Variants in FANCA observed in about 807,000 individuals in gnomAD.
The protein encoded by FANCA is Fanconi anemia group A protein.
FANCA carries 236 observed loss-of-function variants against 194.3 expected under a neutral mutation model. That is an observed-to-expected ratio of 1.21 (90% CI 1.09 to 1.35). The LOEUF (loss-of-function observed/expected upper bound fraction) is 1.35, where lower values mean the gene tolerates loss of function less well. Ranked by LOEUF, FANCA falls within the 40% of genes most tolerant of loss-of-function variation. The pLI is 0.00. For missense variants in FANCA, 2,628 were observed against 1,813.9 expected (o/e 1.45, Z -8.15); for synonymous variants, 1,014 against 715.8 (o/e 1.42, Z -6.65).
intron 31 of FANCA, among the ~76,000 whole-genome samples, chr16:89,751,474 T>A (rs557115328): frequency 1.3e-5 from 2 of 150,354 alleles, no homozygotes; most frequent in African/African-American, 4.8e-5. Context: ...CCTGTCCCAA[T>A]AATAATAATA....
At chr16:89,809,152 TGCCTCG>T (rs2040780762) in intron 5 of FANCA, among the ~76,000 whole-genome samples, 2 of 151,848 alleles carry the variant, frequency 1.3e-5, no homozygotes, top group Admixed American at 6.6e-5. Flanking sequence ...ATGATCCACC[TGCCTCG>T]GCCTCCCAAA....
intron 37 of FANCA, 54 bp downstream of exon 37, chr16:89,742,746 G>C (rs762360084): frequency 6.3e-7 from 1 of 1,586,090 alleles, no homozygotes; most frequent in Non-Finnish European, 8.6e-7. Context: ...AAATAGCACT[G>C]ATTGAAACCA....
intron 37 of FANCA, among the ~76,000 whole-genome samples, chr16:89,742,429 G>A (rs1375226571): frequency 6.6e-6 from 1 of 151,984 alleles, no homozygotes; most frequent in Non-Finnish European, 1.5e-5. Context: ...TCCAGCCTGG[G>A]CGACAGTGAG....
rs1399326379 is a variant in FANCA, at chr16:89,803,044, G to T, written c.792+215C>A. ...TCAAAGTAACTGCAACATGTGAAAT[G>T]TTGCCAACACACAGAAATGATACAT... On this transcript the variant is annotated intron_variant, in intron 8 of 42. Transcript: ENST00000389301. Among the ~76,000 whole-genome samples the T allele has an allele frequency of 3.3e-5, 5 of 152,174 alleles. No individual in the cohort carries two copies. The East Asian group carries it at 9.6e-4, about 29-fold the overall frequency.
At chr16:89,759,390 A>C (rs1240598510) in intron 29 of FANCA, among the ~76,000 whole-genome samples, 1 of 148,374 alleles carries the variant, frequency 6.7e-6, no homozygotes, top group Non-Finnish European at 1.5e-5. Flanking sequence ...AGCTACTCAC[A>C]GGCCCACCAG....
chr16:89,798,947 G>A (rs980259857), intron 10 of FANCA: 23 of 1,610,084 alleles, frequency 1.4e-5, no homozygotes, highest in African/African-American at 9.4e-5. Context: ...TGCAGTGGGC[G>A]CACCTTCCGA....
rs8044026 is a variant in FANCA at position 89,749,391 on chromosome 16, T to C, written c.3239+339A>G. Among the ~76,000 whole-genome samples, 64,378 of 151,854 alleles carry C rather than the reference T, an allele frequency of 0.42. 15,170 individuals are homozygous for C. Among genetic ancestry groups the C allele is most frequent in the East Asian group, 0.76 (3,898 of 5,150 alleles). On this transcript the variant is annotated intron_variant, in intron 32 of 42. Transcript: ENST00000389301. ...CCACACCTAGCTAAATTTTTTTGTA[T>C]TTTTTTTGTATTTTTAGTAGACATG...
At chr16:89,788,427 C>T (rs941322684) in intron 14 of FANCA, among the ~76,000 whole-genome samples, 2 of 151,290 alleles carry the variant, frequency 1.3e-5, no homozygotes, top group African/African-American at 4.9e-5. Context: ...CAGACGGGGA[C>T]TCCATCTCAA....
At chr16:89,775,993 A>G (rs1340696118) in intron 20 of FANCA, among the ~76,000 whole-genome samples, 178 bp from the exon 21 acceptor site, 1 of 151,710 alleles carries the variant, frequency 6.6e-6, no homozygotes, top group Non-Finnish European at 1.5e-5. Context: ...AGATTTAAAA[A>G]GCACTGTTTC....
intron 3 of FANCA, among the ~76,000 whole-genome samples, chr16:89,813,654 G>A (rs1335358563): frequency 6.6e-6 from 1 of 152,018 alleles, no homozygotes; most frequent in African/African-American, 2.4e-5. Context: ...GGCTCGTCTC[G>A]AATCCTGACC....
chr16:89,751,471 CAAT>C lies in FANCA; in HGVS notation c.3066+664_3066+666del, dbSNP rs201789921. On this transcript the variant is annotated intron_variant, in intron 31 of 42. Transcript: ENST00000389301. ...TGGGTGACAGAGCAAGACCCTGTCC[CAAT>C]AATAATAATAATTATGATTACAATT... Among the ~76,000 whole-genome samples the C allele has an allele frequency of 5.4e-3, 822 of 152,114 alleles. 6 individuals carry two copies. Among genetic ancestry groups the C allele is most frequent in the Middle Eastern group, 6.8e-3 (2 of 294 alleles).
At chr16:89,774,750 A>AAAAAAAAAAAAAAAAAAC in intron 21 of FANCA, among the ~76,000 whole-genome samples, 2 of 147,002 alleles carry the variant, frequency 1.4e-5, no homozygotes, top group Non-Finnish European at 3.0e-5. Context: ...AAAAAAAAAA[A>AAAAAAAAAAAAAAAAAAC]AAAATCTCAA....
Position 89,738,642 on chromosome 16 carries a change from C to G in FANCA, c.4327G>C (p.Ala1443Pro). ...SAALQSRQQA[A>P]PDADLSQEPH... Reference sequence around the variant, plus strand: ...TCCTGGGACAGGTCAGCGTCAGGGGCAGCCTGCTGTCTGCTCTGGAGGGCG... The same window carrying G: ...TCCTGGGACAGGTCAGCGTCAGGGGGAGCCTGCTGTCTGCTCTGGAGGGCG... The change falls in exon 43 of 43, where the codon GCC becomes CCC. Residue 1443 changes from alanine (A) to proline (P), a missense_variant. Ala to Pro is a conservative substitution (Grantham distance 27). Coordinates refer to ENST00000389301, the MANE Select transcript of FANCA (RefSeq NM_000135.4). The G allele has an allele frequency of 6.2e-7, 1 of 1,613,574 alleles. No homozygotes were observed. Among genetic ancestry groups the G allele is most frequent in the African/African-American group, 1.3e-5 (1 of 75,040 alleles).
At chr16:89,774,192 A>C (rs1236590123) in intron 21 of FANCA, among the ~76,000 whole-genome samples, 1 of 152,170 alleles carries the variant, frequency 6.6e-6, no homozygotes, top group East Asian at 1.9e-4. Context: ...GCCACAGCCA[A>C]AATGAAACCA....
chr16:89,739,393 T>A, intron 40 of FANCA, 85 bp downstream of exon 40: 1 of 1,573,668 alleles, frequency 6.4e-7, no homozygotes, highest in Non-Finnish European at 8.7e-7. Flanking sequence ...CAGACAACCC[T>A]TCCCATCTGG....
chr16:89,778,542 C>T (rs371307007), intron 20 of FANCA: 58 of 440,562 alleles, frequency 1.3e-4, no homozygotes, highest in African/African-American at 1.1e-3. Context: ...GCAAGAGAAT[C>T]GCTTGAACCT....
At chr16:89,748,106 T>C (rs2038453496) in intron 33 of FANCA, among the ~76,000 whole-genome samples, 1 of 152,078 alleles carries the variant, frequency 6.6e-6, no homozygotes, top group African/African-American at 2.4e-5. Flanking sequence ...GAAACAGGGT[T>C]TTGTCATGTT....
At chr16:89,786,199 T>C (rs974713849) in intron 14 of FANCA, among the ~76,000 whole-genome samples, 5 of 151,092 alleles carry the variant, frequency 3.3e-5, no homozygotes, top group Non-Finnish European at 7.4e-5. Context: ...TTTCCTTTTT[T>C]CTGAGACAAA....
intron 5 of FANCA, among the ~76,000 whole-genome samples, chr16:89,809,031 G>C (rs577190761): frequency 6.6e-6 from 1 of 151,612 alleles, no homozygotes; most frequent in African/African-American, 2.4e-5. Flanking sequence ...TCAGCCTCCT[G>C]AGTAGCTGGG....
Sources: gnomAD v4.1 joint callset for allele counts (sites outside exome capture counted in the v4.1 genomes callset) on GRCh38, gnomAD v4.1.1 for gene constraint, MANE v1.5 for transcripts, NCBI Gene and HGNC (gene_info 2026-07-23, HGNC 2026-07-21) for gene names.